The following SLC9A9 variants were observed in gnomAD, a reference collection of about 807,000 sequenced individuals.
The protein encoded by SLC9A9 is solute carrier family 9 member A9.
Under a neutral mutation model 77.8 loss-of-function variants are expected in SLC9A9, and 62 were observed. That is an observed-to-expected ratio of 0.80 (90% CI 0.65 to 0.98). The LOEUF (loss-of-function observed/expected upper bound fraction) is 0.98. Ranked by LOEUF, SLC9A9 falls within the 50% of genes least tolerant of loss-of-function variation. The pLI is 0.00. For missense variants in SLC9A9, 775 were observed against 774.9 expected, an observed-to-expected ratio of 1.00 and a Z score of 0.00; for synonymous variants, 320 against 283.5, an observed-to-expected ratio of 1.13 and a Z score of -1.29.
intron 4 of SLC9A9, among the ~76,000 whole-genome samples, chr3:143,710,825 C>T (rs894489653): frequency 2.0e-5 from 3 of 152,178 alleles, no homozygotes; most frequent in East Asian, 1.9e-4. Context: ...CATATCCCCT[C>T]AGGTATATTT....
chr3:143,266,033 A>G lies in SLC9A9; in HGVS notation c.*669T>C, dbSNP rs1395098250. 4.3e-6 allele frequency: 3 copies of G among 702,158 alleles called. No individual in the cohort carries two copies. The highest frequency in any genetic ancestry group is 7.8e-6 in the Non-Finnish European group (3 of 384,712). The allele number at this position is 702,158 out of a possible 1,614,324, so 43.5% of individuals were successfully genotyped here. ...CTACTAAGCTTGAAAGTGGTGCTGC[A>G]TTTAGGGCAGGGCACACCCAGCCAT... On this transcript the variant is annotated 3_prime_UTR_variant, in exon 16 of 16. Coordinates refer to ENST00000316549, the MANE Select transcript of SLC9A9 (RefSeq NM_173653.4).
At chr3:143,480,607 G>C (rs1250639066) in intron 11 of SLC9A9, among the ~76,000 whole-genome samples, 1 of 152,194 alleles carries the variant, frequency 6.6e-6, no homozygotes, top group African/African-American at 2.4e-5. Flanking sequence ...TACTCCCATA[G>C]CTTTGCTCAC....
chr3:143,475,399 T>C (rs1417917467), intron 11 of SLC9A9, among the ~76,000 whole-genome samples: 1 of 152,178 alleles, frequency 6.6e-6, no homozygotes, highest in Non-Finnish European at 1.5e-5. Context: ...TGCTGTGGCA[T>C]TTCCAGAGCT....
intron 4 of SLC9A9, among the ~76,000 whole-genome samples, chr3:143,714,924 C>A (rs1934294450): frequency 6.6e-6 from 1 of 152,282 alleles, no homozygotes; most frequent in Middle Eastern, 3.4e-3. Context: ...ATCATGGGGG[C>A]AGGTCTTTCC....
intron 14 of SLC9A9, among the ~76,000 whole-genome samples, chr3:143,325,834 CTCAGGGCAAACAGAG>C (rs1437751747): frequency 6.6e-6 from 1 of 152,184 alleles, no homozygotes; most frequent in Admixed American, 6.5e-5. Context: ...CTAGGATCAG[CTCAGGGCAAACAGAG>C]GAGTGGATCA....
At chr3:143,575,435 T>A (rs761413104) in intron 7 of SLC9A9, among the ~76,000 whole-genome samples, 3 of 152,188 alleles carry the variant, frequency 2.0e-5, no homozygotes, top group Non-Finnish European at 4.4e-5. Context: ...AGTTAATATA[T>A]GTTAAGTACT....
At chr3:143,733,573 AGAG>A (rs1358158149) in intron 4 of SLC9A9, among the ~76,000 whole-genome samples, 1 of 152,104 alleles carries the variant, frequency 6.6e-6, no homozygotes, top group East Asian at 1.9e-4. Context: ...TAGAGTAGAA[AGAG>A]GGGTGTGAGG....
intron 6 of SLC9A9, among the ~76,000 whole-genome samples, chr3:143,610,046 G>C (rs575142548): frequency 6.6e-6 from 1 of 151,966 alleles, no homozygotes; most frequent in Non-Finnish European, 1.5e-5. Context: ...CCCTTCCTTC[G>C]CAAGCACCAA....
In SLC9A9 at chr3:143,280,224, C is replaced by T. The variant is rs1057069776; in HGVS notation, c.1605-11244G>A. On this transcript the variant is annotated intron_variant, in intron 14 of 15. Coordinates refer to ENST00000316549, the MANE Select transcript of SLC9A9 (RefSeq NM_173653.4). ...TGGACTCCTGGCCATTTAGCAAATT[C>T]GTTAGAATGCATGCCCTGCAGCTCT... Among the ~76,000 whole-genome samples the T allele has an allele frequency of 6.0e-5, 9 of 148,964 alleles. No homozygotes were observed. In the South Asian group the frequency reaches 6.2e-4, roughly 10 times the overall value.
At chr3:143,807,974 G>A (rs780391461) in intron 2 of SLC9A9, among the ~76,000 whole-genome samples, 35 of 152,202 alleles carry the variant, frequency 2.3e-4, no homozygotes, top group Non-Finnish European at 3.7e-4. Context: ...CACTTGGGTG[G>A]CTTCTGCAGA....
At position 143,398,611 on chromosome 3, in the gene SLC9A9, C is replaced by T. The variant is rs868387387; in HGVS notation, c.1470-16497G>A. On this transcript the variant is annotated intron_variant, in intron 12 of 15. Coordinates refer to ENST00000316549, the MANE Select transcript of SLC9A9 (RefSeq NM_173653.4). ...TTTATAACCCTTTTCTTTATATTAA[C>T]CATTAAAAAGCACTTGCAATTGGTT... is the stretch of plus-strand genomic sequence containing the variant. 4.6e-5 allele frequency among the ~76,000 whole-genome samples: 7 copies of T among 152,094 alleles called. No individual in the cohort carries two copies. In the South Asian group the frequency reaches 1.5e-3, roughly 32 times the overall value.
intron 4 of SLC9A9, among the ~76,000 whole-genome samples, chr3:143,777,020 G>A (rs1039346226): frequency 3.9e-5 from 6 of 152,206 alleles, no homozygotes; most frequent in East Asian, 1.9e-4. Flanking sequence ...TCTATCTGAC[G>A]AAAGATATGT....
intron 9 of SLC9A9, among the ~76,000 whole-genome samples, chr3:143,547,952 C>A (rs1188338944): frequency 6.6e-6 from 1 of 152,104 alleles, no homozygotes; most frequent in African/African-American, 2.4e-5. Context: ...CAATGGCTGG[C>A]ACAAAGTAGG....
intron 6 of SLC9A9, among the ~76,000 whole-genome samples, chr3:143,651,800 T>A (rs1353721116): frequency 1.3e-5 from 2 of 152,216 alleles, no homozygotes; most frequent in African/African-American, 2.4e-5. Flanking sequence ...TGCATTCCTA[T>A]ACAGCATTAC....
chr3:143,708,489 G>T (rs1346949043), intron 4 of SLC9A9, among the ~76,000 whole-genome samples: 2 of 152,086 alleles, frequency 1.3e-5, no homozygotes, highest in Non-Finnish European at 2.9e-5. Context: ...TCCTCTCTGG[G>T]TATCCCACCT....
At chr3:143,402,196 T>C (rs2033877159) in intron 12 of SLC9A9, among the ~76,000 whole-genome samples, 1 of 152,134 alleles carries the variant, frequency 6.6e-6, no homozygotes, top group East Asian at 1.9e-4. Flanking sequence ...AAACAGTTTT[T>C]TTAAAAAAAT....
intron 5 of SLC9A9, among the ~76,000 whole-genome samples, chr3:143,687,532 T>C (rs1356040140): frequency 6.6e-6 from 1 of 152,164 alleles, no homozygotes; most frequent in Non-Finnish European, 1.5e-5. Flanking sequence ...CCTTATGAGA[T>C]ATCTTTAGCA....
chr3:143,630,130 C>G (rs2038397150), intron 6 of SLC9A9, among the ~76,000 whole-genome samples: 1 of 152,090 alleles, frequency 6.6e-6, no homozygotes, highest in South Asian at 2.1e-4. Context: ...TGACAGACAA[C>G]CTTTTGTTAT....
chr3:143,633,124 T>C (rs976029832), intron 6 of SLC9A9, among the ~76,000 whole-genome samples: 2 of 152,234 alleles, frequency 1.3e-5, no homozygotes, highest in Admixed American at 1.3e-4. Flanking sequence ...CATTAATAGA[T>C]AGAGACCTAC....
Sources: gnomAD v4.1 joint callset for allele counts (sites outside exome capture counted in the v4.1 genomes callset) on GRCh38, gnomAD v4.1.1 for gene constraint, MANE v1.5 for transcripts, NCBI Gene and HGNC (gene_info 2026-07-23, HGNC 2026-07-21) for gene names.